Variants in PLCB1 observed in about 807,000 individuals in gnomAD.
The protein encoded by PLCB1 is 1-phosphatidylinositol 4,5-bisphosphate phosphodiesterase beta-1.
PLCB1 carries 46 observed loss-of-function variants against 161.8 expected under a neutral mutation model. The ratio of observed to expected loss-of-function variants is 0.28; its 90% CI spans 0.22 to 0.36. The LOEUF is 0.36. PLCB1 is among the 10% of genes least tolerant of loss of function. PLCB1 has a pLI of 1.00. For missense variants in PLCB1, 1,016 were observed against 1,472.5 expected, an observed-to-expected ratio of 0.69 and a Z score of 5.07; for synonymous variants, 517 against 503.7, an observed-to-expected ratio of 1.03 and a Z score of -0.35.
intron 2 of PLCB1, among the ~76,000 whole-genome samples, chr20:8,187,680 C>T (rs2051920145): frequency 1.3e-5 from 2 of 152,070 alleles, no homozygotes; most frequent in Non-Finnish European, 2.9e-5. Flanking sequence ...GGAGTGCTGG[C>T]ATTTTTTCCT....
chr20:8,217,847 C>T (rs1234003507), intron 2 of PLCB1, among the ~76,000 whole-genome samples: 3 of 152,054 alleles, frequency 2.0e-5, no homozygotes, highest in African/African-American at 7.2e-5. Context: ...GAGTCTGGCT[C>T]CTTTACTCTC....
intron 31 of PLCB1, among the ~76,000 whole-genome samples, chr20:8,857,259 A>G (rs1280996110): frequency 2.6e-5 from 4 of 152,164 alleles, no homozygotes; most frequent in African/African-American, 4.8e-5. Context: ...ACAAGTCACA[A>G]AAGAGGAGTG....
At chr20:8,736,312 A>C (rs1182645664) in intron 19 of PLCB1, among the ~76,000 whole-genome samples, 1 of 152,222 alleles carries the variant, frequency 6.6e-6, no homozygotes, top group African/African-American at 2.4e-5. Context: ...TAATATTAAA[A>C]ATCTCTTTTA....
chr20:8,446,544 G>A (rs1286751561), intron 3 of PLCB1, among the ~76,000 whole-genome samples: 4 of 152,170 alleles, frequency 2.6e-5, no homozygotes, highest in African/African-American at 9.6e-5. Context: ...ACATAGTGTT[G>A]GAAGTTCTGG....
At chr20:8,276,998 ATTATTATTATTATTATTG>A (rs1292530391) in intron 2 of PLCB1, among the ~76,000 whole-genome samples, 11 of 132,460 alleles carry the variant, frequency 8.3e-5, no homozygotes, top group African/African-American at 3.3e-4. Context: ...TATTATTATT[ATTATTATTATTATTATTG>A]TTAGAGATGG....
At chr20:8,671,945 G>A (rs149722916) in intron 9 of PLCB1, among the ~76,000 whole-genome samples, 233 of 152,268 alleles carry the variant, frequency 1.5e-3, no homozygotes, top group Non-Finnish European at 2.3e-3. Flanking sequence ...TTAAAAGTAC[G>A]TCTCTCATAG....
At chr20:8,157,360 T>G (rs2051572912) in intron 2 of PLCB1, among the ~76,000 whole-genome samples, 1 of 152,176 alleles carries the variant, frequency 6.6e-6, no homozygotes, top group African/African-American at 2.4e-5. Context: ...GATAGTCACT[T>G]TAGGATTGTG....
Position 8,225,556 on chromosome 20 carries a change from G to C in PLCB1, c.177+75185G>C, listed in dbSNP as rs139656111. ...TCTTGGCATACTTGGAATCCCCTCT[G>C]TGTTTTGAAAGTGAACTTTTAGCTT... On this transcript the variant is annotated intron_variant, in intron 2 of 31. Transcript: ENST00000338037. Among the ~76,000 whole-genome samples, 399 of 152,326 alleles carry C rather than the reference G, an allele frequency of 2.6e-3. 3 individuals carry two copies. The highest frequency in any genetic ancestry group is 0.023 in the East Asian group (117 of 5,186).
At chr20:8,569,453 G>C (rs1284248051) in intron 3 of PLCB1, among the ~76,000 whole-genome samples, 1 of 152,132 alleles carries the variant, frequency 6.6e-6, no homozygotes, top group Non-Finnish European at 1.5e-5. Context: ...GCAGGGTACT[G>C]TTGGTACTAA....
At chr20:8,449,685 T>G (rs533498846) in intron 3 of PLCB1, among the ~76,000 whole-genome samples, 5 of 152,254 alleles carry the variant, frequency 3.3e-5, no homozygotes, top group Admixed American at 6.5e-5. Context: ...CAATACACAG[T>G]GGTAAGAAAC....
intron 3 of PLCB1, among the ~76,000 whole-genome samples, chr20:8,576,038 T>C (rs1986663519): frequency 6.6e-6 from 1 of 152,220 alleles, no homozygotes; most frequent in Admixed American, 6.5e-5. Context: ...AAATCATACA[T>C]ACTCACATGT....
chr20:8,786,858 C>A (rs1240224297), intron 27 of PLCB1, among the ~76,000 whole-genome samples: 1 of 151,418 alleles, frequency 6.6e-6, no homozygotes, highest in Non-Finnish European at 1.5e-5. Flanking sequence ...CACCCACCAC[C>A]AGGCCTGGCT....
chr20:8,733,087 T>C, intron 18 of PLCB1, 151 bp from the exon 19 acceptor site: 2 of 747,296 alleles, frequency 2.7e-6, no homozygotes, highest in Non-Finnish European at 2.1e-6. Flanking sequence ...GTAATTTTTT[T>C]CTTATCTGTG....
At chr20:8,756,960 G>T (rs760742604) in intron 23 of PLCB1, 86 bp from the exon 24 acceptor site, 6 of 1,220,360 alleles carry the variant, frequency 4.9e-6, no homozygotes, top group Non-Finnish European at 6.8e-6. Context: ...TTGTGAAGAT[G>T]CTATAAAATG....
At chr20:8,406,749 C>A (rs1365677836) in intron 3 of PLCB1, among the ~76,000 whole-genome samples, 1 of 152,040 alleles carries the variant, frequency 6.6e-6, no homozygotes, top group Admixed American at 6.6e-5. Context: ...TCAGTTTTAC[C>A]AGTATTACAG....
At chr20:8,747,969 T>C (rs1182383940) in intron 23 of PLCB1, among the ~76,000 whole-genome samples, 2 of 152,164 alleles carry the variant, frequency 1.3e-5, no homozygotes, top group Non-Finnish European at 2.9e-5. Context: ...AAACAGAAAC[T>C]TGATATTTCA....
intron 2 of PLCB1, among the ~76,000 whole-genome samples, chr20:8,173,372 CAGGT>C (rs1373500657): frequency 2.6e-5 from 4 of 152,154 alleles, no homozygotes; most frequent in African/African-American, 4.8e-5. Flanking sequence ...TCAGCCCTCT[CAGGT>C]ACAGGGACCT....
At position 8,662,146 on chromosome 20, in the gene PLCB1, A is replaced by T. The variant is rs7351947; in HGVS notation, c.862+3442A>T. ...TTATTTATTATCTAATTCTATATTA[A>T]ATATAATTATTTATTATCTAATTCT... On this transcript the variant is annotated intron_variant, in intron 9 of 31. Transcript: ENST00000338037. Among the ~76,000 whole-genome samples, 288 of 29,256 alleles carry T rather than the reference A, an allele frequency of 9.8e-3. 2 individuals are homozygous for T. The highest frequency in any genetic ancestry group is 0.012 in the African/African-American group (93 of 8,072). The allele number at this position is 29,256 out of a possible 152,430, so 19.2% of individuals were successfully genotyped here. A position where few individuals can be genotyped will look rare whatever the true frequency, so the allele number is the denominator to read the frequency against.
intron 2 of PLCB1, among the ~76,000 whole-genome samples, chr20:8,183,523 G>A (rs1026418169): frequency 1.3e-5 from 2 of 152,124 alleles, no homozygotes; most frequent in African/African-American, 4.8e-5. Context: ...CAGTCACAGT[G>A]TTAAAATAAC....
Sources: allele counts gnomAD v4.1 joint callset (sites outside exome capture counted in the v4.1 genomes callset), GRCh38; gene constraint gnomAD v4.1.1; transcripts MANE v1.5; gene names NCBI Gene and HGNC (gene_info 2026-07-23, HGNC 2026-07-21).